LRRTM4: variants seen among roughly 807,000 people sequenced by gnomAD.
LRRTM4 encodes leucine-rich repeat transmembrane neuronal protein 4.
Under a neutral mutation model 47.6 loss-of-function variants are expected in LRRTM4, and 25 were observed. The observed-to-expected ratio is 0.53, with a 90% CI of 0.38 to 0.73. The LOEUF is 0.73. LRRTM4 is among the 30% of genes least tolerant of loss of function. The probability of loss-of-function intolerance (pLI) is 0.00; values close to 1 mark genes in which losing one functional copy is unlikely to be tolerated. For synonymous variants in LRRTM4, 311 were observed against 269.5 expected (o/e 1.15, Z -1.51); for missense variants, 638 against 713.4 (o/e 0.89, Z 1.20).
intron 3 of LRRTM4, among the ~76,000 whole-genome samples, chr2:77,332,944 G>T (rs186086986): frequency 6.6e-6 from 1 of 152,278 alleles, no homozygotes; most frequent in Admixed American, 6.5e-5. Flanking sequence ...GGAGGAACTA[G>T]GTGGGAGGTG....
chr2:76,773,236 A>AC (rs1231380355), intron 3 of LRRTM4, among the ~76,000 whole-genome samples: 1 of 152,196 alleles, frequency 6.6e-6, no homozygotes, highest in Non-Finnish European at 1.5e-5. Flanking sequence ...CAAGTAGCAA[A>AC]CCCAGATGGC....
In LRRTM4 at chr2:76,999,920, A is replaced by T. The variant is rs1387951496; in HGVS notation, c.1552-251004T>A. 2.0e-5 allele frequency among the ~76,000 whole-genome samples: 3 copies of T among 152,154 alleles called. No individual in the cohort carries two copies. The East Asian group carries it at 5.8e-4, about 29-fold the overall frequency. On this transcript the variant is annotated intron_variant, in intron 3 of 3. Transcript: ENST00000409884. ...TTAAAACTAAGTTGCTACAGTTTAAAAGTGCACAAGGGCAGAGTGACAGCC... is the reference window on the plus strand; with the variant it reads ...TTAAAACTAAGTTGCTACAGTTTAATAGTGCACAAGGGCAGAGTGACAGCC...
chr2:76,935,213 G>A (rs1255033761), intron 3 of LRRTM4, among the ~76,000 whole-genome samples: 2 of 152,042 alleles, frequency 1.3e-5, no homozygotes, highest in African/African-American at 4.8e-5. Flanking sequence ...ATTCTTTCAG[G>A]CCAAATTGTA....
intron 3 of LRRTM4, among the ~76,000 whole-genome samples, chr2:77,156,918 G>C: frequency 6.6e-6 from 1 of 151,526 alleles, no homozygotes; most frequent in African/African-American, 2.4e-5. Context: ...AAGGTGTTTA[G>C]TGGGCCTTTT....
chr2:76,882,393 G>A (rs1410769260), intron 3 of LRRTM4, among the ~76,000 whole-genome samples: 1 of 151,896 alleles, frequency 6.6e-6, no homozygotes, highest in African/African-American at 2.4e-5. Flanking sequence ...TACTTCAAAT[G>A]AGAAATGTAT....
At chr2:77,411,539 G>A (rs1467754232) in intron 3 of LRRTM4, among the ~76,000 whole-genome samples, 1 of 134,848 alleles carries the variant, frequency 7.4e-6, no homozygotes, top group Non-Finnish European at 1.5e-5. Flanking sequence ...TGCAAGCTCC[G>A]CCTCCCGGGT....
rs184637656 is a variant in LRRTM4 at position 77,510,514 on chromosome 2, G to A, written c.1551+7804C>T. On this transcript the variant is annotated intron_variant, in intron 3 of 3. Coordinates refer to ENST00000409884, the MANE Select transcript of LRRTM4 (RefSeq NM_001134745.3). ...AAAAGTGAAAATATACAGTGAATACGAATTAAGTAGCACTGTCCTTCCAAA... is the reference window on the plus strand; with the variant it reads ...AAAAGTGAAAATATACAGTGAATACAAATTAAGTAGCACTGTCCTTCCAAA... 8.6e-3 allele frequency among the ~76,000 whole-genome samples: 1,303 copies of A among 152,030 alleles called. 8 individuals are homozygous for A. Among genetic ancestry groups the A allele is most frequent in the Non-Finnish European group, 0.013 (898 of 67,906 alleles).
intron 3 of LRRTM4, among the ~76,000 whole-genome samples, chr2:76,859,519 C>G (rs1360433714): frequency 6.6e-6 from 1 of 152,074 alleles, no homozygotes; most frequent in Non-Finnish European, 1.5e-5. Flanking sequence ...TGGTTAATAG[C>G]ATAGTTGAAT....
chr2:77,041,931 G>GAGAC (rs57464968), intron 3 of LRRTM4, among the ~76,000 whole-genome samples: 1 of 150,428 alleles, frequency 6.6e-6, no homozygotes, highest in South Asian at 2.1e-4. Context: ...GGAATAAAGA[G>GAGAC]AATCATCTGA....
In LRRTM4 at chr2:77,430,992, G is replaced by A. The variant is rs1377629438; in HGVS notation, c.1551+87326C>T. 3.4e-5 allele frequency among the ~76,000 whole-genome samples: 5 copies of A among 148,516 alleles called. 1 individual carries two copies. The highest frequency in any genetic ancestry group is 1.3e-4 in the African/African-American group (5 of 38,076). ...TTCTTTCTCCAGCCATTGGACATCC[G>A]AACTCTAGGTTTTCTGGCCTTTAGA... On this transcript the variant is annotated intron_variant, in intron 3 of 3. Coordinates refer to ENST00000409884, the MANE Select transcript of LRRTM4 (RefSeq NM_001134745.3).
intron 3 of LRRTM4, among the ~76,000 whole-genome samples, chr2:77,076,467 G>C (rs1680340827): frequency 6.6e-6 from 1 of 152,132 alleles, no homozygotes; most frequent in Admixed American, 6.5e-5. Context: ...AATGAAACAA[G>C]CAGTGTATAA....
At chr2:77,429,241 C>T (rs1489527669) in intron 3 of LRRTM4, among the ~76,000 whole-genome samples, 2 of 151,874 alleles carry the variant, frequency 1.3e-5, no homozygotes, top group Admixed American at 6.6e-5. Context: ...ACGGAATAAT[C>T]GATTATAAGA....
intron 3 of LRRTM4, among the ~76,000 whole-genome samples, chr2:77,336,200 GA>G (rs1671160301): frequency 2.1e-5 from 3 of 146,314 alleles, no homozygotes; most frequent in African/African-American, 7.6e-5. Flanking sequence ...AAGAAGGAAG[GA>G]AAGAAGGAAG....
intron 3 of LRRTM4, among the ~76,000 whole-genome samples, chr2:76,940,947 ACTT>A (rs755277284): frequency 9.9e-5 from 15 of 152,106 alleles, no homozygotes; most frequent in Non-Finnish European, 1.9e-4. Context: ...GTACCTATTG[ACTT>A]CTTACCACTT....
intron 3 of LRRTM4, among the ~76,000 whole-genome samples, chr2:77,431,907 C>T (rs1159799262): frequency 6.6e-6 from 1 of 151,162 alleles, no homozygotes; most frequent in African/African-American, 2.5e-5. Context: ...AACCCTGTCT[C>T]TACTAAAAAT....
intron 3 of LRRTM4, among the ~76,000 whole-genome samples, chr2:77,368,776 C>T (rs1319444608): frequency 6.6e-6 from 1 of 151,636 alleles, no homozygotes; most frequent in Non-Finnish European, 1.5e-5. Context: ...CACGTATCGG[C>T]TGTAGTGAAT....
chr2:77,155,140 A>T (rs1015725638), intron 3 of LRRTM4, among the ~76,000 whole-genome samples: 2 of 152,036 alleles, frequency 1.3e-5, no homozygotes, highest in African/African-American at 2.4e-5. Context: ...GCAATGTAAT[A>T]CACAAAGTAC....
intron 3 of LRRTM4, among the ~76,000 whole-genome samples, chr2:77,161,855 GTTAA>G (rs1489217556): frequency 1.3e-5 from 2 of 152,036 alleles, no homozygotes; most frequent in African/African-American, 4.8e-5. Context: ...GTATTTTGAG[GTTAA>G]TTAATTGTCT....
intron 3 of LRRTM4, among the ~76,000 whole-genome samples, chr2:77,080,720 G>C (rs1463088322): frequency 6.6e-6 from 1 of 152,038 alleles, no homozygotes; most frequent in Non-Finnish European, 1.5e-5. Context: ...TTTATGTCTA[G>C]AACTTAAGAC....
Sources: allele counts gnomAD v4.1 joint callset (sites outside exome capture counted in the v4.1 genomes callset), GRCh38; gene constraint gnomAD v4.1.1; transcripts MANE v1.5; gene names NCBI Gene and HGNC (gene_info 2026-07-23, HGNC 2026-07-21).